Variants in GFPT1 observed in about 807,000 individuals in gnomAD.
GFPT1 encodes glutamine--fructose-6-phosphate transaminase 1.
GFPT1 carries 40 observed loss-of-function variants against 92.0 expected under a neutral mutation model. That is an observed-to-expected ratio of 0.43 (90% CI 0.34 to 0.57). The LOEUF is 0.57. Ranked by LOEUF, GFPT1 falls within the 20% of genes least tolerant of loss-of-function variation. The probability of loss-of-function intolerance (pLI) is 0.02; values close to 1 mark genes in which losing one functional copy is unlikely to be tolerated. For missense variants in GFPT1, 448 were observed against 869.1 expected, an observed-to-expected ratio of 0.52 and a Z score of 6.09; for synonymous variants, 269 against 280.6, an observed-to-expected ratio of 0.96 and a Z score of 0.41.
chr2:69,337,642 C>T (rs897874306), intron 15 of GFPT1, among the ~76,000 whole-genome samples: 2 of 152,122 alleles, frequency 1.3e-5, no homozygotes, highest in Non-Finnish European at 1.5e-5. Context: ...AATGGACTTA[C>T]ATTATATACA....
chr2:69,348,357 T>C (rs1216107710), intron 10 of GFPT1, 23 bp from the exon 11 acceptor site: 1 of 1,561,328 alleles, frequency 6.4e-7, no homozygotes. Flanking sequence ...CAAGGAGATA[T>C]TACAATCGAT....
intron 15 of GFPT1, among the ~76,000 whole-genome samples, chr2:69,334,067 A>T (rs140177686): frequency 0.012 from 1,790 of 152,292 alleles, 32 homozygotes; most frequent in African/African-American, 0.041. Flanking sequence ...GAGGCAGGAG[A>T]ATCACTTGAA....
chr2:69,341,027 T>G (rs1181727463), intron 13 of GFPT1, among the ~76,000 whole-genome samples: 2 of 151,926 alleles, frequency 1.3e-5, no homozygotes, highest in Admixed American at 6.6e-5. Flanking sequence ...CGGTGCAATC[T>G]AGGCTCACTG....
intron 18 of GFPT1, among the ~76,000 whole-genome samples, chr2:69,327,395 T>C (rs1322853367): frequency 2.6e-5 from 4 of 152,238 alleles, no homozygotes; most frequent in Non-Finnish European, 5.9e-5. Context: ...GGAATTTATA[T>C]ATAAAGCCAA....
rs926426868 is a variant in GFPT1 at position 69,320,143 on chromosome 2, C to T, written c.*6046G>A. 2 of 152,182 alleles carry T rather than the reference C, an allele frequency of 1.3e-5. No homozygotes were observed. The highest frequency in any genetic ancestry group is 4.8e-5 in the African/African-American group (2 of 41,444). The allele number at this position is 152,182 out of a possible 1,614,324, so 9.4% of individuals were successfully genotyped here. ...GACAACAATGTAACCTAAAAGGGAG[C>T]TACTGGCAGAAATAAAAACTAGTGA... On this transcript the variant is annotated 3_prime_UTR_variant, in exon 20 of 20. Transcript: ENST00000357308.
At chr2:69,333,636 C>T (rs1670725145) in intron 15 of GFPT1, among the ~76,000 whole-genome samples, 1 of 152,172 alleles carries the variant, frequency 6.6e-6, no homozygotes, top group Non-Finnish European at 1.5e-5. Context: ...AAAGTCAGCA[C>T]TGTGGTGAAA....
rs1574054606 is a variant in GFPT1, at chr2:69,342,001, A to T, written c.1203+151T>A. ...GATAAATAATTCCAAGCAGCTGGTA[A>T]ATTTCTCCCCTTACCTTCTTTTTTT... On this transcript the variant is annotated intron_variant, in intron 13 of 19. Transcript: ENST00000357308. 3.7e-5 allele frequency: 21 copies of T among 573,806 alleles called. No individual in the cohort carries two copies. The South Asian group carries it at 4.6e-4, about 13-fold the overall frequency. The allele number at this position is 573,806 out of a possible 1,614,324, so 35.5% of individuals were successfully genotyped here. A position where few individuals can be genotyped will look rare whatever the true frequency, so the allele number is the denominator to read the frequency against.
intron 17 of GFPT1, among the ~76,000 whole-genome samples, chr2:69,328,746 G>A (rs1670591667): frequency 7.0e-6 from 1 of 143,746 alleles, no homozygotes; most frequent in Non-Finnish European, 1.5e-5. Context: ...GATCGCCCAG[G>A]CTGGAGTACA....
chr2:69,369,400 G>A (rs1319778449), intron 3 of GFPT1, among the ~76,000 whole-genome samples: 2 of 152,084 alleles, frequency 1.3e-5, no homozygotes, highest in Non-Finnish European at 2.9e-5. Context: ...CTACTTCAAA[G>A]TTTGCTTTGT....
chr2:69,355,743 C>G (rs1272520002), intron 7 of GFPT1, among the ~76,000 whole-genome samples: 2 of 152,158 alleles, frequency 1.3e-5, no homozygotes, highest in African/African-American at 2.4e-5. Context: ...AAATATCTCT[C>G]TTACCATAAT....
At chr2:69,382,771 T>A (rs1461516245) in intron 1 of GFPT1, among the ~76,000 whole-genome samples, 1 of 152,148 alleles carries the variant, frequency 6.6e-6, no homozygotes, top group African/African-American at 2.4e-5. Context: ...ATACTAATAC[T>A]CTACAAGTTG....
chr2:69,380,659 C>A (rs1234150660), intron 1 of GFPT1, among the ~76,000 whole-genome samples: 2 of 152,216 alleles, frequency 1.3e-5, no homozygotes, highest in East Asian at 3.9e-4. Context: ...TCTCTCTCTT[C>A]TGACCATTCA....
chr2:69,362,043 G>A (rs1420566602), intron 4 of GFPT1, among the ~76,000 whole-genome samples: 2 of 152,106 alleles, frequency 1.3e-5, no homozygotes, highest in Non-Finnish European at 2.9e-5. Flanking sequence ...TATGTATTCT[G>A]TATGTATTTG....
At chr2:69,373,077 G>A (rs1485819107) in intron 2 of GFPT1, among the ~76,000 whole-genome samples, 1 of 152,178 alleles carries the variant, frequency 6.6e-6, no homozygotes, top group Admixed American at 6.6e-5. Context: ...CTGATCCACT[G>A]GTGAGCAGCT....
intron 2 of GFPT1, among the ~76,000 whole-genome samples, chr2:69,373,610 C>A (rs1326431745): frequency 6.6e-6 from 1 of 151,866 alleles, no homozygotes; most frequent in Non-Finnish European, 1.5e-5. Flanking sequence ...CAGAGTGAGA[C>A]CCTATCTCAA....
In GFPT1 at chr2:69,371,434, A is replaced by T. The variant is rs1302657687; in HGVS notation, c.116-1326T>A. 3 of 152,036 alleles carry T rather than the reference A, an allele frequency of 2.0e-5. No individual in the cohort carries two copies. The East Asian group carries it at 5.8e-4, about 29-fold the overall frequency. The allele number at this position is 152,036 out of a possible 1,614,324, so 9.4% of individuals were successfully genotyped here. ...AAATATCATGGTCTATCTAGGAAGA[A>T]ACTTGTAGGAGGCCTAGAATACAGC... On this transcript the variant is annotated intron_variant, in intron 2 of 19. Transcript: ENST00000357308.
chr2:69,343,262 T>C (rs986534117), intron 12 of GFPT1, among the ~76,000 whole-genome samples: 3 of 152,186 alleles, frequency 2.0e-5, no homozygotes, highest in East Asian at 1.9e-4. Context: ...CAAGTAAATA[T>C]AGTGGTCAAG....
At chr2:69,339,915 A>G (rs1427154665) in intron 13 of GFPT1, among the ~76,000 whole-genome samples, 2 of 152,226 alleles carry the variant, frequency 1.3e-5, no homozygotes, top group African/African-American at 4.8e-5. Context: ...CGACACTAAA[A>G]TGCTAAATGT....
intron 16 of GFPT1, 36 bp from the exon 17 acceptor site, chr2:69,329,460 C>A: frequency 6.7e-7 from 1 of 1,492,016 alleles, no homozygotes; most frequent in East Asian, 2.3e-5. Context: ...GACAATAAAC[C>A]AAACAAATAA....
Sources: gnomAD v4.1 joint callset for allele counts (sites outside exome capture counted in the v4.1 genomes callset) on GRCh38, gnomAD v4.1.1 for gene constraint, MANE v1.5 for transcripts, NCBI Gene and HGNC (gene_info 2026-07-23, HGNC 2026-07-21) for gene names.